The following CTNNA3 variants were observed in gnomAD, a reference collection of about 807,000 sequenced individuals.
CTNNA3 encodes the protein catenin alpha-3.
Under a neutral mutation model 95.7 loss-of-function variants are expected in CTNNA3, and 76 were observed. The ratio of observed to expected loss-of-function variants is 0.79; its 90% confidence interval spans 0.66 to 0.96. CTNNA3 has a LOEUF of 0.96. Among genes scored for constraint, CTNNA3 ranks in the 40% least tolerant of loss-of-function variants. The pLI is 0.00. For missense variants in CTNNA3, 1,191 were observed against 1,089.8 expected, an observed-to-expected ratio of 1.09 and a Z score of -1.31; for synonymous variants, 431 against 374.4, an observed-to-expected ratio of 1.15 and a Z score of -1.74.
intron 10 of CTNNA3, among the ~76,000 whole-genome samples, chr10:66,540,738 G>A (rs1365989302): frequency 6.6e-6 from 1 of 151,826 alleles, no homozygotes; most frequent in Non-Finnish European, 1.5e-5. Context: ...AGAAATTTGG[G>A]AGAGCCAGGG....
At position 67,143,425 on chromosome 10, in the gene CTNNA3, T is replaced by TAAAAAAAAAAAAAAAAAAA. The variant is rs61603392; in HGVS notation, c.1047+36873_1047+36891dup. Among the ~76,000 whole-genome samples, 264 of 75,948 alleles carry TAAAAAAAAAAAAAAAAAAA rather than the reference T, an allele frequency of 3.5e-3. 29 individuals carry two copies. The highest frequency in any genetic ancestry group is 0.011 in the Middle Eastern group (1 of 90). The allele number at this position is 75,948 out of a possible 152,430, so 49.8% of individuals were successfully genotyped here. Reference sequence around the variant, plus strand: ...TGGGTGACTGAGCAAGGCTCTGTCTTAAAAAAAAAAAAAAAAAAAAAATTA... The same window carrying TAAAAAAAAAAAAAAAAAAA: ...TGGGTGACTGAGCAAGGCTCTGTCTTAAAAAAAAAAAAAAAAAAAAAAAAAAAAAAAAAAAAAAAAATTA... On this transcript the variant is annotated intron_variant, in intron 7 of 17. Coordinates refer to ENST00000433211, the MANE Select transcript of CTNNA3 (RefSeq NM_013266.4).
intron 11 of CTNNA3, among the ~76,000 whole-genome samples, chr10:66,380,613 C>T (rs2092830182): frequency 9.1e-6 from 1 of 109,846 alleles, no homozygotes; most frequent in East Asian, 4.3e-4. Flanking sequence ...ATCTATCTAT[C>T]TATCTATCTA....
intron 13 of CTNNA3, among the ~76,000 whole-genome samples, chr10:66,201,133 T>C (rs971977996): frequency 3.3e-5 from 5 of 152,228 alleles, no homozygotes; most frequent in Non-Finnish European, 7.3e-5. Flanking sequence ...ACATTTCTAC[T>C]TTATCCACAT....
intron 17 of CTNNA3, among the ~76,000 whole-genome samples, chr10:65,938,102 G>C (rs2077371035): frequency 6.6e-6 from 1 of 152,092 alleles, no homozygotes; most frequent in Admixed American, 6.5e-5. Flanking sequence ...CAATGATCAG[G>C]GGCCATCTCA....
Position 67,317,140 on chromosome 10 carries a change from C to G in CTNNA3, c.580-97270G>C, listed in dbSNP as rs1841087204. 2.6e-5 allele frequency among the ~76,000 whole-genome samples: 4 copies of G among 151,940 alleles called. No homozygotes were observed. In the South Asian group the frequency reaches 8.3e-4, roughly 32 times the overall value. On this transcript the variant is annotated intron_variant, in intron 5 of 17. Transcript: ENST00000433211. The stretch of plus-strand genomic sequence containing the variant: ...AGCAATTATCTGTTGATTTCATAAG[C>G]AGCACATATCATCGGGTTTTGTTTT...
At position 67,616,563 on chromosome 10, in the gene CTNNA3, T is replaced by G. The variant is rs536661496; in HGVS notation, c.100-9514A>C. The stretch of plus-strand genomic sequence containing the variant: ...CAACAAGGTTTGCTGACAGATTGAA[T>G]ATGGGTTATGAAAGCAATATGGCAT... On this transcript the variant is annotated intron_variant, in intron 2 of 17. Coordinates refer to ENST00000433211, the MANE Select transcript of CTNNA3 (RefSeq NM_013266.4). 3.5e-4 allele frequency among the ~76,000 whole-genome samples: 54 copies of G among 152,300 alleles called. No homozygotes were observed. The East Asian group carries it at 7.1e-3, about 20-fold the overall frequency.
chr10:67,501,437 T>A (rs1285065267), intron 5 of CTNNA3, among the ~76,000 whole-genome samples: 3 of 152,138 alleles, frequency 2.0e-5, no homozygotes, highest in African/African-American at 7.2e-5. Flanking sequence ...GATGATTATG[T>A]GTCTTGGGGT....
At chr10:66,543,389 C>A (rs1203492412) in intron 10 of CTNNA3, among the ~76,000 whole-genome samples, 1 of 152,010 alleles carries the variant, frequency 6.6e-6, no homozygotes, top group Non-Finnish European at 1.5e-5. Flanking sequence ...TGCACCCGCC[C>A]AGAATGCAGG....
chr10:67,158,895 G>C (rs568572566), intron 7 of CTNNA3, among the ~76,000 whole-genome samples: 9 of 151,650 alleles, frequency 5.9e-5, no homozygotes, highest in Non-Finnish European at 1.3e-4. Context: ...AAAAGTGAGA[G>C]CCTCAAAGGG....
At chr10:67,075,507 T>TA (rs1394148029) in intron 7 of CTNNA3, among the ~76,000 whole-genome samples, 1 of 152,124 alleles carries the variant, frequency 6.6e-6, no homozygotes, top group African/African-American at 2.4e-5. Context: ...AAGTTGGAAA[T>TA]ACTTAAGATT....
rs1422837200 is a variant in CTNNA3, at chr10:66,966,507, TTTCAGATTATTC to T, written c.1048-190995_1048-190984del. Among the ~76,000 whole-genome samples the T allele has an allele frequency of 4.1e-3, 629 of 152,178 alleles. 35 individuals carry two copies. In the East Asian group the frequency reaches 0.1, roughly 25 times the overall value. ...TATATTTTTTTTTTCAGGATATACC[TTTCAGATTATTC>T]AAAGAAATAGCTAAAAATGAGCTAT... On this transcript the variant is annotated intron_variant, in intron 7 of 17. Coordinates refer to ENST00000433211, the MANE Select transcript of CTNNA3 (RefSeq NM_013266.4).
chr10:66,563,158 T>C (rs1301846735), intron 10 of CTNNA3, among the ~76,000 whole-genome samples: 1 of 152,136 alleles, frequency 6.6e-6, no homozygotes, highest in Non-Finnish European at 1.5e-5. Context: ...TTATATTAAA[T>C]AATGCAGTAT....
chr10:66,452,593 G>A lies in CTNNA3; in HGVS notation c.1531+68024C>T, dbSNP rs7924088. Among the ~76,000 whole-genome samples, 2,751 of 152,144 alleles carry A rather than the reference G, an allele frequency of 0.018. 194 individuals are homozygous for A. The East Asian group carries it at 0.24, about 13-fold the overall frequency. ...ATTGCTTGGAGATCAGACTTCCTTT[G>A]TAAAACTAACAAAGTAGCCACAAGA... On this transcript the variant is annotated intron_variant, in intron 11 of 17. Transcript: ENST00000433211.
rs2076971087 is a variant in CTNNA3 at position 65,913,518 on chromosome 10, A to G, written c.*6812T>C. ...AAAATTTGCAAAATCAACAAATAGCACATCTTAACCCTGCAAGACAGTTGC... is the reference window on the plus strand; with the variant it reads ...AAAATTTGCAAAATCAACAAATAGCGCATCTTAACCCTGCAAGACAGTTGC... On this transcript the variant is annotated 3_prime_UTR_variant, in exon 18 of 18. Coordinates refer to ENST00000433211, the MANE Select transcript of CTNNA3 (RefSeq NM_013266.4). 1.3e-5 allele frequency: 2 copies of G among 152,270 alleles called. No homozygotes were observed. Among genetic ancestry groups the G allele is most frequent in the South Asian group, 4.1e-4 (2 of 4,820 alleles). 9.4% of individuals were successfully genotyped at this position (152,270 alleles called of 1,614,324 possible).
At chr10:66,996,504 C>T (rs924536019) in intron 7 of CTNNA3, among the ~76,000 whole-genome samples, 1 of 151,702 alleles carries the variant, frequency 6.6e-6, no homozygotes, top group Non-Finnish European at 1.5e-5. Flanking sequence ...AGAAACTAGC[C>T]GGGCGTGGTG....
chr10:66,211,950 T>G (rs896714024), intron 13 of CTNNA3, among the ~76,000 whole-genome samples: 5 of 152,144 alleles, frequency 3.3e-5, no homozygotes, highest in Non-Finnish European at 1.5e-5. Flanking sequence ...TGTCTAACAT[T>G]TCCTTTGCAG....
chr10:67,475,566 T>C (rs977240012), intron 5 of CTNNA3, among the ~76,000 whole-genome samples: 1 of 152,162 alleles, frequency 6.6e-6, no homozygotes, highest in Non-Finnish European at 1.5e-5. Context: ...TCAGTGAATA[T>C]AAATAATTTA....
intron 5 of CTNNA3, among the ~76,000 whole-genome samples, chr10:67,284,558 T>C (rs1049496684): frequency 6.6e-6 from 1 of 152,214 alleles, no homozygotes; most frequent in African/African-American, 2.4e-5. Flanking sequence ...GTTTTAATAA[T>C]GGCAAATGTA....
intron 2 of CTNNA3, among the ~76,000 whole-genome samples, chr10:67,611,319 T>A (rs1325171766): frequency 1.3e-5 from 2 of 148,826 alleles, no homozygotes; most frequent in African/African-American, 4.9e-5. Flanking sequence ...TATGTTGACT[T>A]TTTTTTTTTT....
Sources: allele counts gnomAD v4.1 joint callset (sites outside exome capture counted in the v4.1 genomes callset), GRCh38; gene constraint gnomAD v4.1.1; transcripts MANE v1.5; gene names NCBI Gene and HGNC (gene_info 2026-07-23, HGNC 2026-07-21).